SPARC: variants seen among roughly 807,000 people sequenced by gnomAD.
SPARC encodes basement-membrane protein 40.
A neutral mutation model predicts 37.7 loss-of-function variants in SPARC; 23 were observed. The observed-to-expected ratio is 0.61, with a 90% CI of 0.44 to 0.87. The LOEUF (loss-of-function observed/expected upper bound fraction) is 0.87, where lower values mean the gene tolerates loss of function less well. SPARC is among the 40% of genes least tolerant of loss of function. The pLI is 0.00. For missense variants in SPARC, 312 were observed against 389.0 expected (o/e 0.80, Z 1.66); for synonymous variants, 155 against 150.8 (o/e 1.03, Z -0.20).
chr5:151,664,146 A>G lies in SPARC; in HGVS notation c.824T>C (p.Leu275Pro), dbSNP rs748867801. 1 of 1,614,214 alleles carries G rather than the reference A, an allele frequency of 6.2e-7. No homozygotes were observed. The highest frequency in any genetic ancestry group is 1.7e-5 in the Admixed American group (1 of 60,018). ...CTTRFFETCDLDNDKYIALDE... is the reference protein window; with the variant it reads ...CTTRFFETCDPDNDKYIALDE... ...CAGGGCGATGTACTTGTCATTGTCC[A>G]GGTCACAGGTCTCGAAAAAGCGGGT... Residue 275 changes from leucine to proline, a missense_variant, in exon 9 of 10, where the codon CTG becomes CCG. By Grantham distance (98) the Leu-to-Pro change is moderately conservative. Transcript: ENST00000231061.
intron 1 of SPARC, among the ~76,000 whole-genome samples, chr5:151,685,522 C>G (rs935414345): frequency 6.6e-6 from 1 of 151,140 alleles, no homozygotes; most frequent in East Asian, 2.0e-4. Flanking sequence ...CTCCATAGAC[C>G]CTGGTTAAGA....
intron 3 of SPARC, 23 bp downstream of exon 3, chr5:151,674,589 G>GGCTGC (rs1561920781): frequency 6.2e-7 from 1 of 1,612,612 alleles, no homozygotes; most frequent in South Asian, 1.1e-5. Context: ...GGGGCTAAGG[G>GGCTGC]GCTGCGGTCA....
chr5:151,676,766 T>C (rs894486712), intron 1 of SPARC, among the ~76,000 whole-genome samples: 8 of 152,180 alleles, frequency 5.3e-5, no homozygotes, highest in Non-Finnish European at 1.2e-4. Flanking sequence ...ATCTCTCCTC[T>C]TCCTCCTCTG....
intron 5 of SPARC, among the ~76,000 whole-genome samples, chr5:151,671,242 A>G (rs1760743167): frequency 1.3e-5 from 2 of 152,166 alleles, no homozygotes; most frequent in South Asian, 4.1e-4. Flanking sequence ...GATGGAGATG[A>G]GGTTTGAAGT....
intron 4 of SPARC, 178 bp downstream of exon 4, chr5:151,672,950 AG>A: frequency 1.6e-6 from 1 of 610,986 alleles, no homozygotes. Flanking sequence ...CCCAGATCCC[AG>A]GGGACTGAGT....
intron 1 of SPARC, chr5:151,686,533 G>C (rs1353011044): frequency 6.6e-6 from 1 of 152,224 alleles, no homozygotes; most frequent in Non-Finnish European, 1.5e-5. Context: ...CATTTGCAAA[G>C]GGAGCAAAGA....
intron 1 of SPARC, chr5:151,679,068 A>G (rs1262698445): frequency 6.6e-6 from 1 of 152,200 alleles, no homozygotes; most frequent in Non-Finnish European, 1.5e-5. Context: ...AGCATTCAGA[A>G]CTCACAGCTG....
At chr5:151,669,103 C>T (rs1269892954) in intron 6 of SPARC, among the ~76,000 whole-genome samples, 2 of 152,154 alleles carry the variant, frequency 1.3e-5, no homozygotes, top group Non-Finnish European at 2.9e-5. Flanking sequence ...CATCCCTCCC[C>T]AGACAACTGA....
At chr5:151,667,316 C>A in intron 7 of SPARC, 151 bp downstream of exon 7, 1 of 829,354 alleles carries the variant, frequency 1.2e-6, no homozygotes, top group South Asian at 1.6e-5. Context: ...ACCACAGCCT[C>A]CAAAGGCAGG....
chr5:151,680,041 T>C lies in SPARC; in HGVS notation c.-13-3840A>G, dbSNP rs140165289. ...ATGATAGCTACTGGTTACAAGTGGT[T>C]ACTGAATGCTTGAAATGTTGCCAGT... On this transcript the variant is annotated intron_variant, in intron 1 of 9. Coordinates refer to ENST00000231061, the MANE Select transcript of SPARC (RefSeq NM_003118.4). 2.4e-3 allele frequency among the ~76,000 whole-genome samples: 370 copies of C among 152,278 alleles called. 3 individuals are homozygous for C. The highest frequency in any genetic ancestry group is 8.4e-3 in the African/African-American group (349 of 41,550).
At chr5:151,673,806 G>A (rs963521420) in intron 3 of SPARC, among the ~76,000 whole-genome samples, 23 of 151,990 alleles carry the variant, frequency 1.5e-4, no homozygotes, top group Admixed American at 1.4e-3. Flanking sequence ...CTGTACTCCC[G>A]ACCACCTTGG....
intron 5 of SPARC, among the ~76,000 whole-genome samples, chr5:151,670,420 A>G (rs1760723488): frequency 6.6e-6 from 1 of 152,216 alleles, no homozygotes; most frequent in Non-Finnish European, 1.5e-5. Context: ...CCTGGAAAGA[A>G]ACATCACTCA....
rs763423018 is a variant in SPARC, at chr5:151,669,689, G to A, written c.426C>T (p.His142=). Residue 142 remains histidine (H), a synonymous_variant, in exon 6 of 10, where the codon CAC becomes CAT. Coordinates refer to ENST00000231061, the MANE Select transcript of SPARC (RefSeq NM_003118.4). ...ATTTGCAAGGCCCGATGTAGTCCAGGTGGAGCTTGTGGCCCTTCTTGGTGC... is the reference window on the plus strand; with the variant it reads ...ATTTGCAAGGCCCGATGTAGTCCAGATGGAGCTTGTGGCCCTTCTTGGTGC... The part of the protein sequence containing the change: ...LEGTKKGHKL[H]LDYIGPCKYI... 3 of 1,614,212 alleles carry A rather than the reference G, an allele frequency of 1.9e-6. No individual in the cohort carries two copies. Among genetic ancestry groups the A allele is most frequent in the South Asian group, 2.2e-5 (2 of 91,084 alleles).
At chr5:151,665,749 C>A (rs1042660434) in intron 8 of SPARC, among the ~76,000 whole-genome samples, 1 of 152,196 alleles carries the variant, frequency 6.6e-6, no homozygotes, top group Admixed American at 6.5e-5. Context: ...CAATCCCCTG[C>A]CTAGAATAGT....
At chr5:151,667,754 A>G (rs1233556534) in intron 6 of SPARC, 154 bp from the exon 7 acceptor site, 2 of 772,846 alleles carry the variant, frequency 2.6e-6, no homozygotes, top group Non-Finnish European at 4.2e-6. Context: ...GACAATGAGC[A>G]GAGGAGATTA....
chr5:151,675,573 A>AT (rs1760837506), intron 2 of SPARC, among the ~76,000 whole-genome samples: 1 of 152,200 alleles, frequency 6.6e-6, no homozygotes, highest in Admixed American at 6.5e-5. Context: ...TCAGACAGCA[A>AT]TATCTCAGAG....
chr5:151,683,361 C>A (rs2113121972), intron 1 of SPARC, among the ~76,000 whole-genome samples: 1 of 152,306 alleles, frequency 6.6e-6, no homozygotes, highest in East Asian at 1.9e-4. Context: ...ATCCATGGGG[C>A]TTGTGTGCAT....
In SPARC at chr5:151,672,627, G is replaced by A. The variant is rs573077620; in HGVS notation, c.208+502C>T. On this transcript the variant is annotated intron_variant, in intron 4 of 9. Coordinates refer to ENST00000231061, the MANE Select transcript of SPARC (RefSeq NM_003118.4). ...GTCATTTCTCTCCCAGGGCACTAAC[G>A]CATGGATAGCATGGTACGGATTATG... 9 of 158,558 alleles carry A rather than the reference G, an allele frequency of 5.7e-5. 1 individual carries two copies. In the South Asian group the frequency reaches 1.3e-3, roughly 23 times the overall value. 9.8% of individuals were successfully genotyped at this position (158,558 alleles called of 1,614,324 possible).
chr5:151,672,761 G>T (rs1344874665), intron 4 of SPARC: 1 of 266,320 alleles, frequency 3.8e-6, no homozygotes, highest in Non-Finnish European at 7.4e-6. Flanking sequence ...TCTCTGTGGG[G>T]CACGGGCTGA....
Sources: allele counts gnomAD v4.1 joint callset (sites outside exome capture counted in the v4.1 genomes callset), GRCh38; gene constraint gnomAD v4.1.1; transcripts MANE v1.5; gene names NCBI Gene and HGNC (gene_info 2026-07-23, HGNC 2026-07-21).